The following ZBTB16 variants were observed in gnomAD, a reference collection of about 807,000 sequenced individuals.
The protein encoded by ZBTB16 is zinc finger and BTB domain-containing protein 16.
In ZBTB16, 8 loss-of-function variants were observed where a neutral mutation model predicts 56.8. The observed-to-expected ratio is 0.14, with a 90% CI of 0.08 to 0.25. ZBTB16 has a LOEUF of 0.25. Ranked by LOEUF, ZBTB16 falls within the 10% of genes least tolerant of loss-of-function variation. The probability of loss-of-function intolerance (pLI) is 1.00; values close to 1 mark genes in which losing one functional copy is unlikely to be tolerated. For synonymous variants in ZBTB16, 363 were observed against 368.5 expected, an observed-to-expected ratio of 0.98 and a Z score of 0.17; for missense variants, 625 against 903.0, an observed-to-expected ratio of 0.69 and a Z score of 3.95.
At chr11:114,114,998 T>C (rs1941127825) in intron 2 of ZBTB16, among the ~76,000 whole-genome samples, 1 of 152,186 alleles carries the variant, frequency 6.6e-6, no homozygotes, top group African/African-American at 2.4e-5. Context: ...CGTTCCATGC[T>C]GATGGGCTAC....
intron 3 of ZBTB16, among the ~76,000 whole-genome samples, chr11:114,180,300 G>A (rs569653682): frequency 3.3e-5 from 5 of 152,298 alleles, no homozygotes; most frequent in African/African-American, 9.6e-5. Flanking sequence ...GACTGGTAGG[G>A]GCAAGGATGT....
chr11:114,144,161 G>T (rs1387958644), intron 2 of ZBTB16, among the ~76,000 whole-genome samples: 2 of 149,002 alleles, frequency 1.3e-5, no homozygotes, highest in Non-Finnish European at 3.0e-5. Flanking sequence ...CCTTTCTCTG[G>T]CCTGTGTGTT....
At chr11:114,194,659 T>C (rs1228540582) in intron 4 of ZBTB16, among the ~76,000 whole-genome samples, 2 of 152,230 alleles carry the variant, frequency 1.3e-5, no homozygotes, top group East Asian at 3.8e-4. Flanking sequence ...CCCGAGATGC[T>C]TGTACTTCAT....
chr11:114,222,443 G>A (rs1047842306), intron 4 of ZBTB16, among the ~76,000 whole-genome samples: 2 of 152,154 alleles, frequency 1.3e-5, no homozygotes, highest in Non-Finnish European at 2.9e-5. Context: ...AAGTGTAGGA[G>A]TGAGCAAAGT....
intron 2 of ZBTB16, among the ~76,000 whole-genome samples, chr11:114,083,461 G>A (rs1218883627): frequency 6.6e-6 from 1 of 152,168 alleles, no homozygotes; most frequent in Admixed American, 6.5e-5. Flanking sequence ...CCCAGTCGCT[G>A]GCTCCAGGGG....
intron 4 of ZBTB16, among the ~76,000 whole-genome samples, chr11:114,236,753 T>G (rs1251919956): frequency 6.6e-6 from 1 of 152,258 alleles, no homozygotes; most frequent in East Asian, 1.9e-4. Context: ...CATGCAGTTA[T>G]TAAGTGCCTA....
chr11:114,233,285 C>T (rs769813300), intron 4 of ZBTB16, among the ~76,000 whole-genome samples: 3 of 152,008 alleles, frequency 2.0e-5, no homozygotes, highest in Non-Finnish European at 2.9e-5. Flanking sequence ...ATATTAGTCT[C>T]TGCTGATGTG....
Position 114,200,502 on chromosome 11 carries a change from AG to A in ZBTB16, c.1453+13470del, listed in dbSNP as rs1362414725. On this transcript the variant is annotated intron_variant, in intron 4 of 6. Coordinates refer to ENST00000335953, the MANE Select transcript of ZBTB16 (RefSeq NM_006006.6). ...CAATATAGTCATCAGGACACCACTAAGGGGGGCTTCACTGTCTGCATCACTG... is the reference window on the plus strand; with the variant it reads ...CAATATAGTCATCAGGACACCACTAAGGGGGCTTCACTGTCTGCATCACTG... Among the ~76,000 whole-genome samples, 3 of 152,190 alleles carry A rather than the reference AG, an allele frequency of 2.0e-5. 1 individual carries two copies. Among genetic ancestry groups the A allele is most frequent in the South Asian group, 4.1e-4 (2 of 4,832 alleles).
chr11:114,228,120 T>G (rs1944366802), intron 4 of ZBTB16, among the ~76,000 whole-genome samples: 1 of 152,152 alleles, frequency 6.6e-6, no homozygotes, highest in African/African-American at 2.4e-5. Flanking sequence ...CAGAATCAGG[T>G]CTCTAAATGC....
Position 114,255,899 on chromosome 11 carries a change from A to C in ZBTB16, c.*5344A>C, listed in dbSNP as rs1011245028. 6.6e-6 allele frequency among the ~76,000 whole-genome samples: 1 copy of C among 152,078 alleles called. No individual in the cohort carries two copies. Among genetic ancestry groups the C allele is most frequent in the African/African-American group, 2.4e-5 (1 of 41,422 alleles). ...TTTTGTATTTTTATTTATAAGTCTCATAAGAAAAATAGCAATGTTCAGTTG... is the reference window on the plus strand; with the variant it reads ...TTTTGTATTTTTATTTATAAGTCTCCTAAGAAAAATAGCAATGTTCAGTTG... On this transcript the variant is annotated 3_prime_UTR_variant, in exon 7 of 7. Transcript: ENST00000335953.
intron 2 of ZBTB16, among the ~76,000 whole-genome samples, chr11:114,145,780 A>G (rs1389306247): frequency 6.6e-6 from 1 of 152,212 alleles, no homozygotes; most frequent in Non-Finnish European, 1.5e-5. Context: ...CTTGACAAGG[A>G]TAAATTTTGT....
chr11:114,222,976 C>G (rs1944260623), intron 4 of ZBTB16, among the ~76,000 whole-genome samples: 1 of 152,148 alleles, frequency 6.6e-6, no homozygotes, highest in African/African-American at 2.4e-5. Flanking sequence ...AGAGCCTGCC[C>G]TGGTCTTGGA....
chr11:114,126,118 G>T (rs1030863834), intron 2 of ZBTB16, among the ~76,000 whole-genome samples: 6 of 152,160 alleles, frequency 3.9e-5, no homozygotes, highest in African/African-American at 1.4e-4. Flanking sequence ...TGCCCCATAG[G>T]TTCTGCCATT....
At chr11:114,200,540 C>T (rs1311259979) in intron 4 of ZBTB16, among the ~76,000 whole-genome samples, 3 of 152,188 alleles carry the variant, frequency 2.0e-5, no homozygotes, top group Admixed American at 6.5e-5. Context: ...TGAGGAATCA[C>T]AGGCCCAGAG....
At chr11:114,077,013 A>G (rs1939594003) in intron 2 of ZBTB16, among the ~76,000 whole-genome samples, 1 of 152,132 alleles carries the variant, frequency 6.6e-6, no homozygotes, top group Non-Finnish European at 1.5e-5. Flanking sequence ...CCTGTTGCAA[A>G]AGTGAAAAAT....
intron 3 of ZBTB16, among the ~76,000 whole-genome samples, chr11:114,163,522 C>A (rs368103055): frequency 6.6e-6 from 1 of 152,148 alleles, no homozygotes; most frequent in African/African-American, 2.4e-5. Flanking sequence ...AAATCCCCCA[C>A]GTAACTGCCA....
intron 2 of ZBTB16, among the ~76,000 whole-genome samples, chr11:114,137,116 A>G (rs1454799943): frequency 2.0e-5 from 3 of 152,180 alleles, no homozygotes; most frequent in East Asian, 1.9e-4. Context: ...GGGTTAAACT[A>G]TTATGGAAAC....
At chr11:114,211,125 T>C (rs1943991231) in intron 4 of ZBTB16, among the ~76,000 whole-genome samples, 1 of 152,180 alleles carries the variant, frequency 6.6e-6, no homozygotes, top group South Asian at 2.1e-4. Context: ...TTTCACCATT[T>C]TGGCCAGGCT....
At chr11:114,204,890 G>A (rs372617923) in intron 4 of ZBTB16, among the ~76,000 whole-genome samples, 3 of 152,300 alleles carry the variant, frequency 2.0e-5, no homozygotes, top group East Asian at 1.9e-4. Flanking sequence ...CTCGCCCTGA[G>A]CTGGATTTGG....
Sources: allele counts gnomAD v4.1 joint callset (sites outside exome capture counted in the v4.1 genomes callset), GRCh38; gene constraint gnomAD v4.1.1; transcripts MANE v1.5; gene names NCBI Gene and HGNC (gene_info 2026-07-23, HGNC 2026-07-21).